The following DDAH1 variants were observed in gnomAD, a reference collection of about 807,000 sequenced individuals.
DDAH1 encodes the protein dimethylarginine dimethylaminohydrolase 1.
Under a neutral mutation model 28.8 loss-of-function variants are expected in DDAH1, and 19 were observed. The observed-to-expected ratio is 0.66, with a 90% CI of 0.46 to 0.97. The LOEUF (loss-of-function observed/expected upper bound fraction) is 0.97, where lower values mean the gene tolerates loss of function less well. Among genes scored for constraint, DDAH1 ranks in the 50% least tolerant of loss-of-function variants. The pLI, the probability that DDAH1 is intolerant of heterozygous loss-of-function variation, is 0.00. For missense variants in DDAH1, 326 were observed against 375.9 expected (o/e 0.87, Z 1.10); for synonymous variants, 153 against 154.4 (o/e 0.99, Z 0.07).
intron 1 of DDAH1, among the ~76,000 whole-genome samples, chr1:85,430,467 T>C (rs1254445577): frequency 6.6e-6 from 1 of 152,250 alleles, no homozygotes; most frequent in Non-Finnish European, 1.5e-5. Flanking sequence ...TGGATAGCAT[T>C]GAATCTATAA....
In DDAH1 at chr1:85,358,831, T is replaced by A; in HGVS notation, c.320A>T (p.Glu107Val). The A allele has an allele frequency of 6.2e-7, 1 of 1,605,300 alleles. No homozygotes were observed. The highest frequency in any genetic ancestry group is 8.5e-7 in the Non-Finnish European group (1 of 1,176,626). ...SRRKEVDMMK[E>V]ALEKLQLNIV... ...ATTGAGCTGAAGTTTTTCTAATGCT[T>A]CTTTCATCATGTCAACCTGTTGAAA... The change falls in exon 2 of 6, where the codon GAA (glutamate) becomes GTA (valine). Residue 107 changes from glutamate (E) to valine (V), a missense_variant. Physicochemically the swap from Glu to Val is moderately radical, Grantham distance 121. Coordinates refer to ENST00000284031, the MANE Select transcript of DDAH1 (RefSeq NM_012137.4).
intron 1 of DDAH1, among the ~76,000 whole-genome samples, chr1:85,521,196 C>T (rs534501): frequency 0.14 from 21,639 of 151,694 alleles, 1,617 homozygotes; most frequent in South Asian, 0.21. Context: ...CAAGACTCAA[C>T]CTATGTTCTA....
chr1:85,353,966 T>G (rs1649362277), intron 2 of DDAH1, among the ~76,000 whole-genome samples: 1 of 152,030 alleles, frequency 6.6e-6, no homozygotes, highest in South Asian at 2.1e-4. Flanking sequence ...AAGGCTAAGA[T>G]GTGATGGGAA....
intron 1 of DDAH1, among the ~76,000 whole-genome samples, chr1:85,553,024 G>C (rs750307294): frequency 2.0e-5 from 3 of 152,122 alleles, no homozygotes; most frequent in Non-Finnish European, 2.9e-5. Context: ...CTTGCTCTGA[G>C]GGGAGGCAGC....
chr1:85,474,450 T>C (rs1433000703), intron 2 of DDAH1, among the ~76,000 whole-genome samples: 1 of 152,166 alleles, frequency 6.6e-6, no homozygotes, highest in African/African-American at 2.4e-5. Flanking sequence ...TATTCTCTCT[T>C]ACTTGGGCTT....
chr1:85,416,199 C>A (rs1212727695), intron 1 of DDAH1, among the ~76,000 whole-genome samples: 2 of 151,958 alleles, frequency 1.3e-5, no homozygotes, highest in Non-Finnish European at 2.9e-5. Flanking sequence ...TTATCACAGT[C>A]TTTGTGTGAC....
At chr1:85,529,307 T>C (rs2773110) in intron 1 of DDAH1, among the ~76,000 whole-genome samples, 1 of 152,184 alleles carries the variant, frequency 6.6e-6, no homozygotes, top group African/African-American at 2.4e-5. Flanking sequence ...TTTATAAGTA[T>C]AAATTTTTGC....
intron 1 of DDAH1, among the ~76,000 whole-genome samples, chr1:85,364,746 G>A (rs111820059): frequency 0.092 from 14,045 of 152,094 alleles, 858 homozygotes; most frequent in South Asian, 0.21. Flanking sequence ...GTTTCACCCT[G>A]TTGGCCAGGC....
intron 1 of DDAH1, among the ~76,000 whole-genome samples, chr1:85,449,672 A>G (rs1404405620): frequency 2.0e-5 from 3 of 152,164 alleles, no homozygotes; most frequent in Non-Finnish European, 4.4e-5. Context: ...GAGAAGGTGT[A>G]TAACACTGGA....
chr1:85,477,895 T>A (rs1026359434), intron 2 of DDAH1, among the ~76,000 whole-genome samples: 5 of 152,126 alleles, frequency 3.3e-5, no homozygotes, highest in African/African-American at 1.2e-4. Flanking sequence ...TTTTATTCCC[T>A]AGTATATGGG....
chr1:85,536,381 C>G (rs1425762811), intron 1 of DDAH1, among the ~76,000 whole-genome samples: 1 of 150,932 alleles, frequency 6.6e-6, no homozygotes, highest in African/African-American at 2.4e-5. Context: ...GGTGAAACCC[C>G]GTCTCTACTA....
At chr1:85,561,603 T>C (rs575678309) in intron 1 of DDAH1, among the ~76,000 whole-genome samples, 3 of 152,278 alleles carry the variant, frequency 2.0e-5, no homozygotes, top group African/African-American at 4.8e-5. Context: ...TATTATATTG[T>C]GTTAAGTACC....
chr1:85,416,885 C>A (rs531935888), intron 1 of DDAH1, among the ~76,000 whole-genome samples: 2 of 152,014 alleles, frequency 1.3e-5, no homozygotes. Flanking sequence ...CCAGGCTGGT[C>A]TCGAACTCCC....
chr1:85,571,728 G>A (rs1445634515), intron 1 of DDAH1, among the ~76,000 whole-genome samples: 1 of 148,182 alleles, frequency 6.7e-6, no homozygotes, highest in Non-Finnish European at 1.5e-5. Flanking sequence ...CAGAGCCTTG[G>A]AAATTTTAAG....
At position 85,324,785 on chromosome 1, in the gene DDAH1, G is replaced by A. The variant is rs555748748; in HGVS notation, c.696C>T (p.His232=). Residue 232 remains histidine (H), a synonymous_variant, in exon 5 of 6, where the codon CAC becomes CAT. Coordinates refer to ENST00000284031, the MANE Select transcript of DDAH1 (RefSeq NM_012137.4). ...CIYLNIPNKG[H]VLLHRTPEEY... is the part of the protein sequence containing the mutation. ...CTTCCGGGGTTCGGTGCAGCAAGAC[G>A]TGCCCTTTGTTGGGGATATTTAGAT... 8 of 1,614,068 alleles carry A rather than the reference G, an allele frequency of 5.0e-6. No individual in the cohort carries two copies. Among genetic ancestry groups the A allele is most frequent in the African/African-American group, 2.7e-5 (2 of 75,012 alleles).
chr1:85,574,875 ATCTC>A (rs145762144), intron 1 of DDAH1, among the ~76,000 whole-genome samples: 2 of 151,486 alleles, frequency 1.3e-5, no homozygotes, highest in Non-Finnish European at 1.5e-5. Flanking sequence ...GTGAAAACCC[ATCTC>A]TCTCTCTCTC....
chr1:85,456,959 C>A (rs1654912996), intron 1 of DDAH1, among the ~76,000 whole-genome samples: 1 of 152,152 alleles, frequency 6.6e-6, no homozygotes, highest in Non-Finnish European at 1.5e-5. Flanking sequence ...GAGTGGGCTA[C>A]ATTGTTCCCA....
At chr1:85,504,378 G>A (rs1223919649) in intron 1 of DDAH1, among the ~76,000 whole-genome samples, 1 of 152,164 alleles carries the variant, frequency 6.6e-6, no homozygotes, top group African/African-American at 2.4e-5. Flanking sequence ...TCAATAAAAA[G>A]TTGGCAGAGA....
At chr1:85,325,429 G>GTGA (rs747048874) in intron 4 of DDAH1, among the ~76,000 whole-genome samples, 8 of 152,110 alleles carry the variant, frequency 5.3e-5, no homozygotes, top group Non-Finnish European at 8.8e-5. Context: ...TCATTGGCAG[G>GTGA]TGATGGCCTT....
Sources: gnomAD v4.1 joint callset for allele counts (sites outside exome capture counted in the v4.1 genomes callset) on GRCh38, gnomAD v4.1.1 for gene constraint, MANE v1.5 for transcripts, NCBI Gene and HGNC (gene_info 2026-07-23, HGNC 2026-07-21) for gene names.